Variants in NCOR2 observed in about 807,000 individuals in gnomAD.
The protein encoded by NCOR2 is CTG repeat protein 26.
NCOR2 carries 81 observed loss-of-function variants against 262.9 expected under a neutral mutation model. The observed-to-expected ratio is 0.31, with a 90% CI of 0.26 to 0.37. The LOEUF is 0.37. NCOR2 is among the 10% of genes least tolerant of loss of function. The pLI is 1.00. For synonymous variants in NCOR2, 1,659 were observed against 1,559.3 expected (o/e 1.06, Z -1.51); for missense variants, 3,385 against 3,621.4 (o/e 0.93, Z 1.68).
At chr12:124,362,788 T>C (rs2038712117) in intron 21 of NCOR2, among the ~76,000 whole-genome samples, 1 of 138,192 alleles carries the variant, frequency 7.2e-6, no homozygotes, top group Non-Finnish European at 1.5e-5. Context: ...CTAAAAAGTC[T>C]GGCCCAGCTG....
intron 22 of NCOR2, 135 bp from the exon 25 acceptor site, chr12:124,356,917 G>A: frequency 1.7e-6 from 2 of 1,165,738 alleles, no homozygotes; most frequent in Non-Finnish European, 2.3e-6. Flanking sequence ...GGCTCCTCCG[G>A]GAAGCCCCCC....
At chr12:124,325,506 G>A in exon 47 of NCOR2, 1 of 1,359,014 alleles carries the variant, frequency 7.4e-7, no homozygotes, top group South Asian at 1.9e-5. Flanking sequence ...CCCGCGGGGA[G>A]GCCCGGTGGG....
At chr12:124,417,258 G>GGACAGCAGGCCGGACACTCACTCCACA (rs1432427774) in intron 13 of NCOR2, among the ~76,000 whole-genome samples, 12 of 151,608 alleles carry the variant, frequency 7.9e-5, no homozygotes, top group African/African-American at 2.9e-4. Context: ...CTCACTCCAC[G>GGACAGCAGGCCGGACACTCACTCCACA]GAGAGCAGGC....
chr12:124,439,248 CAG>C (rs2044645497), intron 7 of NCOR2, among the ~76,000 whole-genome samples: 1 of 144,730 alleles, frequency 6.9e-6, no homozygotes. Flanking sequence ...GACAGAGACC[CAG>C]AGAGAGAGAG....
chr12:124,418,452 C>T (rs1411769320), intron 13 of NCOR2, among the ~76,000 whole-genome samples: 2 of 128,744 alleles, frequency 1.6e-5, no homozygotes, highest in Admixed American at 1.7e-4. Flanking sequence ...TGGGTCTCGA[C>T]CTCTGGCAGC....
At chr12:124,370,653 T>G (rs1022706094) in intron 20 of NCOR2, among the ~76,000 whole-genome samples, 7 of 152,182 alleles carry the variant, frequency 4.6e-5, no homozygotes, top group Non-Finnish European at 7.3e-5. Flanking sequence ...AGATTGGCCC[T>G]AACTTGGGTA....
intron 45 of NCOR2, 44 bp from the exon 48 acceptor site, chr12:124,326,414 G>A: frequency 6.9e-7 from 1 of 1,442,024 alleles, no homozygotes; most frequent in Admixed American, 2.6e-5. Flanking sequence ...GGGCAGTGAA[G>A]ACAGCACCGA....
chr12:124,386,261 C>A (rs2040797686), intron 16 of NCOR2, among the ~76,000 whole-genome samples: 1 of 152,132 alleles, frequency 6.6e-6, no homozygotes, highest in Non-Finnish European at 1.5e-5. Flanking sequence ...CAGGCCCCAC[C>A]TCTCCTGCTG....
chr12:124,518,627 AC>A (rs1446948986), intron 1 of NCOR2, among the ~76,000 whole-genome samples: 7 of 152,278 alleles, frequency 4.6e-5, no homozygotes, highest in Admixed American at 1.3e-4. Context: ...AGCCAAAAGT[AC>A]GAGCTTTTTC....
chr12:124,430,537 C>T, intron 9 of NCOR2, 78 bp downstream of exon 11: 1 of 1,512,120 alleles, frequency 6.6e-7, no homozygotes, highest in South Asian at 1.3e-5. Context: ...TCCTTCCTGG[C>T]CAGGCCATCT....
At chr12:124,551,680 C>G (rs1594060481) in intron 1 of NCOR2, among the ~76,000 whole-genome samples, 1 of 152,354 alleles carries the variant, frequency 6.6e-6, no homozygotes, top group South Asian at 2.1e-4. Flanking sequence ...GACCTGGAGT[C>G]TCTTCCAGCA....
chr12:124,495,133 G>A lies in NCOR2; in HGVS notation c.105+14C>T, dbSNP rs2048318015. 1.2e-6 allele frequency: 2 copies of A among 1,613,176 alleles called. No individual in the cohort carries two copies. Among genetic ancestry groups the A allele is most frequent in the Non-Finnish European group, 1.7e-6 (2 of 1,179,736 alleles). ...CAAAGGTAGCCCCAGGCGCACACAT[G>A]TGCACCCCCTTACCGTGTGCGTCCG... On this transcript the variant is annotated intron_variant, in intron 1 of 46. Transcript: ENST00000405201. This position sits in a 1 kb window ranked among gnomAD's most constrained non-coding sequence, Gnocchi z 4.4.
chr12:124,543,934 C>G (rs7316049), intron 1 of NCOR2, among the ~76,000 whole-genome samples: 6,159 of 152,274 alleles, frequency 0.04, 394 homozygotes, highest in African/African-American at 0.14. Context: ...AAGCCCCTTA[C>G]GATGATTAAC....
chr12:124,419,995 G>A, exon 13 of NCOR2: 1 of 1,613,978 alleles, frequency 6.2e-7, no homozygotes, highest in South Asian at 1.1e-5. Context: ...CGTCTCACCA[G>A]GCTCTTATAG....
intron 10 of NCOR2, among the ~76,000 whole-genome samples, chr12:124,428,263 C>T (rs1281012328): frequency 2.0e-5 from 3 of 152,224 alleles, no homozygotes; most frequent in African/African-American, 2.4e-5. Flanking sequence ...CCAGCTCCGG[C>T]GCCCAGCCTT....
chr12:124,344,571 C>A, intron 32 of NCOR2, 26 bp downstream of exon 34: 3 of 1,430,318 alleles, frequency 2.1e-6, no homozygotes, highest in Non-Finnish European at 2.8e-6. Context: ...GCCCACCCCA[C>A]TCACGCCCAT....
intron 13 of NCOR2, among the ~76,000 whole-genome samples, chr12:124,415,392 A>G (rs2049828482): frequency 6.6e-6 from 1 of 152,234 alleles, no homozygotes; most frequent in Non-Finnish European, 1.5e-5. Context: ...ACTTAACAAG[A>G]CAGGCTGAGC....
At chr12:124,381,711 G>T (rs763092565) in intron 17 of NCOR2, among the ~76,000 whole-genome samples, 4 of 152,252 alleles carry the variant, frequency 2.6e-5, no homozygotes, top group Non-Finnish European at 4.4e-5. Flanking sequence ...CTCTCTGCAG[G>T]CCTGTGCAGC....
chr12:124,422,868 T>A (rs988850320), intron 11 of NCOR2, among the ~76,000 whole-genome samples: 4 of 151,768 alleles, frequency 2.6e-5, no homozygotes, highest in South Asian at 4.2e-4. Flanking sequence ...TTTGGTGGGG[T>A]TCCCCCCCCT....
Sources: gnomAD v4.1 joint callset for allele counts (sites outside exome capture counted in the v4.1 genomes callset) on GRCh38, gnomAD v4.1.1 for gene constraint, Gnocchi (gnomAD v3.1) non-coding constraint, MANE v1.5 for transcripts, NCBI Gene and HGNC (gene_info 2026-07-23, HGNC 2026-07-21) for gene names.